The following UNC79 variants were observed in gnomAD, a reference collection of about 807,000 sequenced individuals.
UNC79 encodes the protein protein unc-79 homolog.
A neutral mutation model predicts 283.1 loss-of-function variants in UNC79; 37 were observed. The ratio of observed to expected loss-of-function variants is 0.13; its 90% CI spans 0.10 to 0.17. The LOEUF (loss-of-function observed/expected upper bound fraction) is 0.17, where lower values mean the gene tolerates loss of function less well. Among genes scored for constraint, UNC79 ranks in the 10% least tolerant of loss-of-function variants. The pLI, the probability that UNC79 is intolerant of heterozygous loss-of-function variation, is 1.00. For synonymous variants in UNC79, 1,107 were observed against 1,200.2 expected (o/e 0.92, Z 1.61); for missense variants, 2,272 against 3,211.1 (o/e 0.71, Z 7.07).
intron 14 of UNC79, among the ~76,000 whole-genome samples, chr14:93,564,811 T>C (rs532870434): frequency 1.3e-5 from 2 of 152,224 alleles, no homozygotes; most frequent in African/African-American, 4.8e-5. Flanking sequence ...TGAGCCAGGA[T>C]GAGCCAGGAG....
chr14:93,396,345 T>G (rs1309100831), intron 1 of UNC79, among the ~76,000 whole-genome samples: 1 of 152,166 alleles, frequency 6.6e-6, no homozygotes. Context: ...ATCCTTTAGA[T>G]ATGATTTAGT....
chr14:93,538,987 A>G (rs1595793642), intron 12 of UNC79, among the ~76,000 whole-genome samples: 1 of 151,060 alleles, frequency 6.6e-6, no homozygotes, highest in African/African-American at 2.4e-5. Context: ...ACTGCAACCT[A>G]CGCCTCCTGG....
intron 1 of UNC79, among the ~76,000 whole-genome samples, chr14:93,390,005 TG>T (rs1467457176): frequency 6.6e-6 from 1 of 152,198 alleles, no homozygotes; most frequent in Non-Finnish European, 1.5e-5. Flanking sequence ...TAGCCATAGA[TG>T]TTATGAGAAA....
intron 28 of UNC79, 90 bp from the exon 30 acceptor site, chr14:93,618,102 A>G (rs1287179303): frequency 1.4e-6 from 2 of 1,388,796 alleles, no homozygotes; most frequent in Non-Finnish European, 2.0e-6. Flanking sequence ...TCCCCAAGAG[A>G]TACTGCAAAA....
intron 42 of UNC79, among the ~76,000 whole-genome samples, chr14:93,685,252 T>C (rs963934140): frequency 6.6e-6 from 1 of 152,222 alleles, no homozygotes; most frequent in African/African-American, 2.4e-5. Context: ...TATAAAATAT[T>C]GCCTATGAAA....
chr14:93,498,032 C>T (rs908513456), intron 7 of UNC79, among the ~76,000 whole-genome samples: 2 of 151,582 alleles, frequency 1.3e-5, no homozygotes, highest in African/African-American at 2.4e-5. Flanking sequence ...TGGCTCATGT[C>T]TGTAGTAATC....
At chr14:93,409,091 A>G (rs2055284438) in intron 1 of UNC79, among the ~76,000 whole-genome samples, 1 of 152,208 alleles carries the variant, frequency 6.6e-6, no homozygotes, top group African/African-American at 2.4e-5. Flanking sequence ...GTAAGATTGA[A>G]TAATAATTAT....
chr14:93,693,019 A>T (rs1364054499), intron 46 of UNC79, among the ~76,000 whole-genome samples: 2 of 152,090 alleles, frequency 1.3e-5, no homozygotes, highest in African/African-American at 2.4e-5. Flanking sequence ...CATTCAGGAA[A>T]TTTTTTTTAA....
At chr14:93,473,337 A>G (rs2057623448) in intron 2 of UNC79, among the ~76,000 whole-genome samples, 1 of 152,176 alleles carries the variant, frequency 6.6e-6, no homozygotes. Context: ...AATTTAAAAA[A>G]CACACATAAA....
At chr14:93,362,272 T>C (rs1025692116) in intron 1 of UNC79, among the ~76,000 whole-genome samples, 11 of 152,304 alleles carry the variant, frequency 7.2e-5, no homozygotes, top group African/African-American at 2.6e-4. Context: ...TACCAGTTCT[T>C]CTTTATATGT....
intron 2 of UNC79, among the ~76,000 whole-genome samples, chr14:93,471,109 A>C (rs1224706945): frequency 6.6e-6 from 1 of 152,212 alleles, no homozygotes; most frequent in Non-Finnish European, 1.5e-5. Flanking sequence ...AATGGATTGT[A>C]GATGCAGCAT....
chr14:93,348,017 T>C (rs776529596), intron 1 of UNC79: 3 of 1,579,016 alleles, frequency 1.9e-6, no homozygotes, highest in Admixed American at 3.3e-5. Flanking sequence ...GCGTGTCATC[T>C]TCTCTTCCAG....
intron 1 of UNC79, among the ~76,000 whole-genome samples, chr14:93,369,263 A>G (rs1697754487): frequency 6.6e-6 from 1 of 152,220 alleles, no homozygotes; most frequent in South Asian, 2.1e-4. Context: ...TTCTACTTAT[A>G]CTGTTCTTCA....
intron 30 of UNC79, among the ~76,000 whole-genome samples, chr14:93,624,417 A>G (rs995041700): frequency 6.6e-6 from 1 of 152,142 alleles, no homozygotes; most frequent in Admixed American, 6.5e-5. Flanking sequence ...ATGGTTGCAT[A>G]TGGAAGGAGG....
intron 12 of UNC79, among the ~76,000 whole-genome samples, chr14:93,538,900 T>C (rs887028609): frequency 6.6e-6 from 1 of 151,802 alleles, no homozygotes; most frequent in African/African-American, 2.4e-5. Flanking sequence ...TGCTTGTTTT[T>C]GTTTTATTTT....
chr14:93,418,561 A>G (rs889740211), intron 1 of UNC79, among the ~76,000 whole-genome samples: 61 of 151,910 alleles, frequency 4.0e-4, no homozygotes, highest in Admixed American at 6.5e-4. Flanking sequence ...GCTGTCAGAC[A>G]GGGACATTTA....
At chr14:93,444,533 A>G (rs573733811) in intron 1 of UNC79, among the ~76,000 whole-genome samples, 2 of 152,058 alleles carry the variant, frequency 1.3e-5, no homozygotes, top group South Asian at 4.1e-4. Context: ...TTTCTTCAGT[A>G]TTTTCTTCTA....
At chr14:93,521,423 C>G (rs537959510) in intron 7 of UNC79, among the ~76,000 whole-genome samples, 3 of 152,132 alleles carry the variant, frequency 2.0e-5, no homozygotes, top group Non-Finnish European at 4.4e-5. Flanking sequence ...CCTTCATACT[C>G]TATTCAGCAA....
chr14:93,638,786 T>G lies in UNC79; in HGVS notation c.5800+1487T>G, dbSNP rs2068742194. Among the ~76,000 whole-genome samples, 6 of 152,314 alleles carry G rather than the reference T, an allele frequency of 3.9e-5. No individual in the cohort carries two copies. The South Asian group carries it at 1.2e-3, about 32-fold the overall frequency. The stretch of plus-strand genomic sequence containing the variant: ...ACTGCCTTTAACATTGCAGACTTAT[T>G]GTGACTGAAGTATAACAACGGTGGC... On this transcript the variant is annotated intron_variant, in intron 32 of 48. Transcript: ENST00000555664.
Sources: allele counts gnomAD v4.1 joint callset (sites outside exome capture counted in the v4.1 genomes callset), GRCh38; gene constraint gnomAD v4.1.1; transcripts MANE v1.5; gene names NCBI Gene and HGNC (gene_info 2026-07-23, HGNC 2026-07-21).